DLGAP2: variants seen among roughly 807,000 people sequenced by gnomAD.
The protein encoded by DLGAP2 is disks large-associated protein 2.
Under a neutral mutation model 100.3 loss-of-function variants are expected in DLGAP2, and 26 were observed. That is an observed-to-expected ratio of 0.26 (90% CI 0.19 to 0.36). DLGAP2 has a LOEUF of 0.36. Ranked by LOEUF, DLGAP2 falls within the 10% of genes least tolerant of loss-of-function variation. The probability of loss-of-function intolerance (pLI) is 1.00; values close to 1 mark genes in which losing one functional copy is unlikely to be tolerated. For missense variants in DLGAP2, 1,858 were observed against 1,453.2 expected, an observed-to-expected ratio of 1.28 and a Z score of -4.53; for synonymous variants, 886 against 630.1, an observed-to-expected ratio of 1.41 and a Z score of -6.08.
Position 1,530,166 on chromosome 8 carries a change from C to T in DLGAP2, c.173-18460C>T, listed in dbSNP as rs370287394. On this transcript the variant is annotated intron_variant, in intron 4 of 14. Transcript: ENST00000637795. ...TTCCTCTTCCTAATAAGCCTGGGAGCACTATGGGAGACTGGGGTCTATTTC... is the reference window on the plus strand; with the variant it reads ...TTCCTCTTCCTAATAAGCCTGGGAGTACTATGGGAGACTGGGGTCTATTTC... Among the ~76,000 whole-genome samples, 11 of 152,236 alleles carry T rather than the reference C, an allele frequency of 7.2e-5. No individual in the cohort carries two copies. The South Asian group carries it at 1.2e-3, about 17-fold the overall frequency.
In DLGAP2 at chr8:1,549,389, C is replaced by G. The variant is rs776420004; in HGVS notation, c.936C>G (p.Pro312=). ...NLDSDSTYRT[P]SVLNRHHLGP... ...ACAGCGACAGCACCTATCGGACGCC[C>G]AGCGTGCTCAACCGGCACCACCTGG... The change falls in exon 5 of 15, where the codon CCC becomes CCG. Residue 312 remains proline, a synonymous_variant. Transcript: ENST00000637795. The G allele has an allele frequency of 1.2e-6, 2 of 1,613,364 alleles. No homozygotes were observed. Among genetic ancestry groups the G allele is most frequent in the South Asian group, 1.1e-5 (1 of 91,086 alleles).
chr8:1,426,786 C>T (rs867175083), intron 3 of DLGAP2, among the ~76,000 whole-genome samples: 10 of 152,180 alleles, frequency 6.6e-5, no homozygotes, highest in Middle Eastern at 3.4e-3. Flanking sequence ...AAAATTCCCA[C>T]CTAAAATCTC....
chr8:793,666 G>T (rs964976452), intron 1 of DLGAP2, among the ~76,000 whole-genome samples: 1 of 152,072 alleles, frequency 6.6e-6, no homozygotes, highest in Admixed American at 6.5e-5. Context: ...TCTAATCTTT[G>T]CATTTTGTGC....
rs571724329 is a variant in DLGAP2, at chr8:840,760, G to C, written c.19-67152G>C. Among the ~76,000 whole-genome samples the C allele has an allele frequency of 7.4e-3, 1,128 of 151,526 alleles. 14 individuals carry two copies. The highest frequency in any genetic ancestry group is 0.026 in the African/African-American group (1,072 of 41,036). On this transcript the variant is annotated intron_variant, in intron 1 of 14. Coordinates refer to ENST00000637795, the MANE Select transcript of DLGAP2 (RefSeq NM_001346810.2). ...ACGCCTGCACGTTTCCCCACACTCT[G>C]GATTCTGCGAGCGCGTCTACACGGT...
rs77233080 is a variant in DLGAP2 at position 835,825 on chromosome 8, G to A, written c.19-72087G>A. Among the ~76,000 whole-genome samples, 1,305 of 152,180 alleles carry A rather than the reference G, an allele frequency of 8.6e-3. 18 individuals are homozygous for A. The highest frequency in any genetic ancestry group is 0.03 in the African/African-American group (1,242 of 41,526). On this transcript the variant is annotated intron_variant, in intron 1 of 14. Transcript: ENST00000637795. ...TTAATGCTTTCTCCCCGTACCAGCC[G>A]GTCTGTGGCACGTTCTTTCGTGTGG...
At chr8:1,194,603 A>T (rs372090823) in intron 2 of DLGAP2, among the ~76,000 whole-genome samples, 14 of 152,196 alleles carry the variant, frequency 9.2e-5, no homozygotes. Flanking sequence ...CTGCCTGTTC[A>T]GCAGGGAAGA....
chr8:1,436,701 G>A (rs1204359024), intron 3 of DLGAP2, among the ~76,000 whole-genome samples: 1 of 151,990 alleles, frequency 6.6e-6, no homozygotes, highest in African/African-American at 2.4e-5. Flanking sequence ...GATGTCTCGG[G>A]CCGCGCATTC....
At chr8:1,696,004 G>T (rs1465443048) in intron 13 of DLGAP2, among the ~76,000 whole-genome samples, 2 of 152,234 alleles carry the variant, frequency 1.3e-5, no homozygotes, top group Non-Finnish European at 2.9e-5. Context: ...CGCGCGGAGG[G>T]CAGCTGGGGG....
intron 6 of DLGAP2, among the ~76,000 whole-genome samples, chr8:1,618,005 A>G (rs1255605956): frequency 6.6e-6 from 1 of 152,224 alleles, no homozygotes; most frequent in Non-Finnish European, 1.5e-5. Context: ...TGTCAACATT[A>G]AGGGTGCAAC....
intron 3 of DLGAP2, among the ~76,000 whole-genome samples, chr8:1,463,975 A>G (rs1343290796): frequency 6.6e-6 from 1 of 152,230 alleles, no homozygotes; most frequent in Admixed American, 6.5e-5. Flanking sequence ...GGCACATAAC[A>G]ACTGAGGAAG....
At chr8:1,118,840 A>G (rs1247761930) in intron 2 of DLGAP2, among the ~76,000 whole-genome samples, 1 of 152,246 alleles carries the variant, frequency 6.6e-6, no homozygotes, top group African/African-American at 2.4e-5. Context: ...ACAATTTTTC[A>G]AAATAATTTG....
At position 755,191 on chromosome 8, in the gene DLGAP2, T is replaced by G. The variant is rs116213074; in HGVS notation, c.18+17366T>G. 5.4e-3 allele frequency among the ~76,000 whole-genome samples: 816 copies of G among 152,154 alleles called. 7 individuals carry two copies. The highest frequency in any genetic ancestry group is 0.019 in the African/African-American group (774 of 41,526). The stretch of plus-strand genomic sequence containing the variant: ...AGAGTCTGTGGAGGGAGATAAATAT[T>G]AAGTATCCTGTAATCCTAGCACTTT... On this transcript the variant is annotated intron_variant, in intron 1 of 14. Transcript: ENST00000637795.
At chr8:1,057,045 C>G (rs1206815834) in intron 2 of DLGAP2, among the ~76,000 whole-genome samples, 1 of 152,190 alleles carries the variant, frequency 6.6e-6, no homozygotes, top group Non-Finnish European at 1.5e-5. Flanking sequence ...TAATCCACAC[C>G]CGCAGTTTGA....
At chr8:1,695,120 C>T (rs561245253) in intron 13 of DLGAP2, among the ~76,000 whole-genome samples, 1 of 152,326 alleles carries the variant, frequency 6.6e-6, no homozygotes, top group South Asian at 2.1e-4. Context: ...CTTCATCCCC[C>T]AGGAGATGTG....
At chr8:1,010,084 T>G (rs1421875791) in intron 2 of DLGAP2, among the ~76,000 whole-genome samples, 1 of 152,270 alleles carries the variant, frequency 6.6e-6, no homozygotes, top group East Asian at 1.9e-4. Flanking sequence ...AAGGACTTAC[T>G]CATCTTCAAC....
In DLGAP2 at chr8:839,980, G is replaced by A. The variant is rs147627209; in HGVS notation, c.19-67932G>A. 2.2e-3 allele frequency among the ~76,000 whole-genome samples: 324 copies of A among 150,356 alleles called. 7 individuals are homozygous for A. Among genetic ancestry groups the A allele is most frequent in the African/African-American group, 7.7e-3 (313 of 40,770 alleles). On this transcript the variant is annotated intron_variant, in intron 1 of 14. Coordinates refer to ENST00000637795, the MANE Select transcript of DLGAP2 (RefSeq NM_001346810.2). Reference sequence around the variant, plus strand: ...CGTACACTCTGGATTGTGTGAGCGCGTCCACACGGTGCACGCCTGCACGTC... The same window carrying A: ...CGTACACTCTGGATTGTGTGAGCGCATCCACACGGTGCACGCCTGCACGTC...
intron 3 of DLGAP2, among the ~76,000 whole-genome samples, chr8:1,317,457 C>G (rs1184307096): frequency 1.3e-4 from 17 of 132,152 alleles, no homozygotes; most frequent in East Asian, 1.2e-3. Flanking sequence ...AAAATAGAGG[C>G]TGTGCGAGTG....
chr8:1,651,790 T>G (rs1364761696), intron 8 of DLGAP2, among the ~76,000 whole-genome samples: 2 of 152,182 alleles, frequency 1.3e-5, no homozygotes, highest in Non-Finnish European at 2.9e-5. Context: ...TCTGGGTATG[T>G]GCTCATCAGA....
At chr8:1,123,178 CA>C (rs1021660338) in intron 2 of DLGAP2, among the ~76,000 whole-genome samples, 1 of 152,132 alleles carries the variant, frequency 6.6e-6, no homozygotes, top group African/African-American at 2.4e-5. Flanking sequence ...AATTATGAAC[CA>C]AAAGGCTTCC....
Sources: gnomAD v4.1 joint callset for allele counts (sites outside exome capture counted in the v4.1 genomes callset) on GRCh38, gnomAD v4.1.1 for gene constraint, MANE v1.5 for transcripts, NCBI Gene and HGNC (gene_info 2026-07-23, HGNC 2026-07-21) for gene names.